TMEM114: variants seen among roughly 807,000 people sequenced by gnomAD.
TMEM114 encodes transmembrane protein 114, also known as claudin-26.
A neutral mutation model predicts 6.2 loss-of-function variants in TMEM114; 6 were observed. The ratio of observed to expected loss-of-function variants is 0.97; its 90% CI spans 0.53 to 1.91. The LOEUF is 1.91. Ranked by LOEUF, TMEM114 falls within the 40% of genes most tolerant of loss-of-function variation. The probability of loss-of-function intolerance (pLI) is 0.01; values close to 1 mark genes in which losing one functional copy is unlikely to be tolerated. For synonymous variants in TMEM114, 104 were observed against 73.0 expected, an observed-to-expected ratio of 1.42 and a Z score of -2.16; for missense variants, 218 against 158.3, an observed-to-expected ratio of 1.38 and a Z score of -2.02.
intron 2 of TMEM114, among the ~76,000 whole-genome samples, chr16:8,554,482 C>T (rs1294896756): frequency 6.6e-6 from 1 of 152,170 alleles, no homozygotes; most frequent in Non-Finnish European, 1.5e-5. Flanking sequence ...CTCATAGCCC[C>T]TTCATAGCAC....
intron 2 of TMEM114, among the ~76,000 whole-genome samples, chr16:8,588,154 G>A (rs1902372702): frequency 6.6e-6 from 1 of 151,968 alleles, no homozygotes; most frequent in South Asian, 2.1e-4. Flanking sequence ...CGACGTGGAG[G>A]CAGGCACCTG....
In TMEM114 at chr16:8,551,648, C is replaced by T. The variant is rs77297238; in HGVS notation, n.213-13822G>A. Reference sequence around the variant, plus strand: ...AAACATTGACTTTCTGTCTGTGAGGCAGGACAAAAATTCATCTTTTCAAAA... The same window carrying T: ...AAACATTGACTTTCTGTCTGTGAGGTAGGACAAAAATTCATCTTTTCAAAA... On this transcript the variant is annotated intron_variant and non_coding_transcript_variant, in intron 2 of 2. Coordinates refer to the TMEM114 transcript ENST00000623677. Among the ~76,000 whole-genome samples the T allele has an allele frequency of 3.9e-4, 60 of 152,308 alleles. No individual in the cohort carries two copies. The East Asian group carries it at 0.011, about 29-fold the overall frequency.
chr16:8,568,679 T>C (rs1901624216), downstream of TMEM114, among the ~76,000 whole-genome samples: 1 of 152,218 alleles, frequency 6.6e-6, no homozygotes, highest in Non-Finnish European at 1.5e-5. Flanking sequence ...TCCCAGAGTT[T>C]CCTAAGCCAA....
At chr16:8,568,273 A>G (rs961077094), downstream of TMEM114, among the ~76,000 whole-genome samples, 2 of 152,060 alleles carry the variant, frequency 1.3e-5, no homozygotes, top group Non-Finnish European at 2.9e-5. Context: ...TGGAGGAGTC[A>G]TTGCCCCCCC....
At chr16:8,559,459 G>C (rs1328592987) in intron 2 of TMEM114, among the ~76,000 whole-genome samples, 1 of 152,154 alleles carries the variant, frequency 6.6e-6, no homozygotes, top group Admixed American at 6.5e-5. Context: ...TCCTCGGCCC[G>C]CCATGGGCTC....
In TMEM114 at chr16:8,569,777, A is replaced by T. The variant is rs1257865966; in HGVS notation, c.668T>A (p.Ile223Lys). The T allele has an allele frequency of 1.9e-6, 3 of 1,549,736 alleles. No homozygotes were observed. Among genetic ancestry groups the T allele is most frequent in the Non-Finnish European group, 2.6e-6 (3 of 1,146,436 alleles). ...LSLRRRQDQA[I>K] is the part of the protein sequence containing the mutation. ...TCCACGACCCAGCGCCCAGGCTCATATGGCCTGGTCCTGCCTCCGTCTCAG... is the reference window on the plus strand; with the variant it reads ...TCCACGACCCAGCGCCCAGGCTCATTTGGCCTGGTCCTGCCTCCGTCTCAG... The change falls in exon 4 of 4, where the codon ATA becomes AAA. Residue 223 changes from isoleucine (I) to lysine (K), a missense_variant. Transcript: ENST00000620492.
At chr16:8,555,266 T>C (rs1343498054) in intron 2 of TMEM114, among the ~76,000 whole-genome samples, 1 of 152,220 alleles carries the variant, frequency 6.6e-6, no homozygotes, top group Non-Finnish European at 1.5e-5. Context: ...AGAGCAAGCC[T>C]GTGGTAGAAG....
chr16:8,538,815 G>A (rs2141646635), intron 2 of TMEM114, among the ~76,000 whole-genome samples: 1 of 152,218 alleles, frequency 6.6e-6, no homozygotes, highest in South Asian at 2.1e-4. Flanking sequence ...CGGCCGTGCT[G>A]TGTTTTTATG....
At chr16:8,586,776 C>G (rs1416593288) in intron 2 of TMEM114, among the ~76,000 whole-genome samples, 4 of 152,170 alleles carry the variant, frequency 2.6e-5, no homozygotes, top group African/African-American at 9.7e-5. Context: ...TCCCAAAGTG[C>G]TGGGATTACA....
At chr16:8,536,871 A>G (rs2141644433), downstream of TMEM114, among the ~76,000 whole-genome samples, 1 of 152,118 alleles carries the variant, frequency 6.6e-6, no homozygotes, top group South Asian at 2.1e-4. Flanking sequence ...TAAAGATAAT[A>G]TTTCCTTTGT....
chr16:8,537,438 T>A (rs988604148), downstream of TMEM114, among the ~76,000 whole-genome samples: 1 of 151,816 alleles, frequency 6.6e-6, no homozygotes, highest in Non-Finnish European at 1.5e-5. Flanking sequence ...GAGGCAGAGG[T>A]TTCAGTGAGC....
intron 2 of TMEM114, among the ~76,000 whole-genome samples, chr16:8,563,502 G>C (rs1390007871): frequency 6.7e-6 from 1 of 149,290 alleles, no homozygotes; most frequent in Non-Finnish European, 1.5e-5. Context: ...AGTGACTGAG[G>C]GAGGGAGGAA....
chr16:8,582,096 G>A (rs1052475349), intron 2 of TMEM114, among the ~76,000 whole-genome samples: 4 of 152,182 alleles, frequency 2.6e-5, no homozygotes, highest in Non-Finnish European at 4.4e-5. Flanking sequence ...AGAAAAACTG[G>A]AAATCCAATC....
At chr16:8,544,557 C>A (rs932252171) in intron 2 of TMEM114, among the ~76,000 whole-genome samples, 3 of 152,150 alleles carry the variant, frequency 2.0e-5, no homozygotes, top group Non-Finnish European at 2.9e-5. Context: ...GGTAGACGAC[C>A]AACCTGTTGA....
At chr16:8,535,440 GAC>G (rs1362908923), downstream of TMEM114, among the ~76,000 whole-genome samples, 1 of 151,900 alleles carries the variant, frequency 6.6e-6, no homozygotes, top group Non-Finnish European at 1.5e-5. Context: ...TTCGCTGAAA[GAC>G]ATTTGAAGGG....
chr16:8,557,327 C>T lies in TMEM114; in HGVS notation n.213-19501G>A, dbSNP rs116257988. 9.6e-3 allele frequency among the ~76,000 whole-genome samples: 1,462 copies of T among 152,206 alleles called. 17 individuals carry two copies. Among genetic ancestry groups the T allele is most frequent in the African/African-American group, 0.033 (1,378 of 41,518 alleles). On this transcript the variant is annotated intron_variant and non_coding_transcript_variant, in intron 2 of 2. Coordinates refer to the TMEM114 transcript ENST00000623677. ...AACTGCCATATAAGCCTCCCAAAAG[C>T]CCTGATACTACCATATTGTCAGGAA... is the stretch of plus-strand genomic sequence containing the variant.
chr16:8,552,112 C>T (rs1345326325), intron 2 of TMEM114, among the ~76,000 whole-genome samples: 2 of 151,866 alleles, frequency 1.3e-5, no homozygotes, highest in Non-Finnish European at 2.9e-5. Flanking sequence ...CAGCGGCTCA[C>T]ACCTGTAATC....
Position 8,559,389 on chromosome 16 carries a change from A to C in TMEM114, n.213-21563T>G, listed in dbSNP as rs550527946. Among the ~76,000 whole-genome samples the C allele has an allele frequency of 2.0e-5, 3 of 148,082 alleles. No individual in the cohort carries two copies. In the East Asian group the frequency reaches 6.1e-4, roughly 30 times the overall value. On this transcript the variant is annotated intron_variant and non_coding_transcript_variant, in intron 2 of 2. Transcript: ENST00000623677. ...ACTAGCTGCTTCCATCGCACAGATCAGGACCAACGTCCCAGCTGTGGAGAA... is the reference window on the plus strand; with the variant it reads ...ACTAGCTGCTTCCATCGCACAGATCCGGACCAACGTCCCAGCTGTGGAGAA...
downstream of TMEM114, among the ~76,000 whole-genome samples, chr16:8,535,259 G>C (rs755957346): frequency 1.2e-4 from 19 of 152,140 alleles, no homozygotes; most frequent in Non-Finnish European, 2.5e-4. Context: ...ATAAATATAA[G>C]GTGTTGATGG....
Sources: allele counts gnomAD v4.1 joint callset (sites outside exome capture counted in the v4.1 genomes callset), GRCh38; gene constraint gnomAD v4.1.1; transcripts MANE v1.5; gene names NCBI Gene and HGNC (gene_info 2026-07-23, HGNC 2026-07-21).